RTTN: variants seen among roughly 807,000 people sequenced by gnomAD.
The protein encoded by RTTN is rotatin.
RTTN carries 182 observed loss-of-function variants against 269.2 expected under a neutral mutation model. That is an observed-to-expected ratio of 0.68 (90% CI 0.60 to 0.76). The LOEUF is 0.76. Among genes scored for constraint, RTTN ranks in the 30% least tolerant of loss-of-function variants. The pLI, the probability that RTTN is intolerant of heterozygous loss-of-function variation, is 0.00. For missense variants in RTTN, 2,545 were observed against 2,608.6 expected (o/e 0.98, Z 0.53); for synonymous variants, 1,006 against 963.5 (o/e 1.04, Z -0.82).
intron 40 of RTTN, among the ~76,000 whole-genome samples, chr18:70,033,288 A>AATC (rs1297042854): frequency 1.3e-5 from 2 of 152,222 alleles, no homozygotes; most frequent in East Asian, 3.8e-4. Context: ...ACCATGAGCC[A>AATC]ATTAAACCTC....
rs141652219 is a variant in RTTN at position 70,052,859 on chromosome 18, T to C, written c.5185+1272A>G. ...TTTTAATTTAACCAGCTAATAGATA[T>C]ACATTCAGATATTGACATTTTTTCC... On this transcript the variant is annotated intron_variant, in intron 38 of 48. Transcript: ENST00000640769. Among the ~76,000 whole-genome samples, 928 of 152,256 alleles carry C rather than the reference T, an allele frequency of 6.1e-3. 3 individuals are homozygous for C. The highest frequency in any genetic ancestry group is 0.01 in the Middle Eastern group (3 of 294).
intron 14 of RTTN, among the ~76,000 whole-genome samples, chr18:70,154,376 A>G (rs2060619444): frequency 6.6e-6 from 1 of 152,122 alleles, no homozygotes; most frequent in African/African-American, 2.4e-5. Context: ...ATATTTTCCT[A>G]TCTGCAAAAA....
intron 40 of RTTN, among the ~76,000 whole-genome samples, chr18:70,034,035 C>G (rs1032156039): frequency 6.6e-6 from 1 of 152,116 alleles, no homozygotes; most frequent in Non-Finnish European, 1.5e-5. Flanking sequence ...AACAGACCAA[C>G]AATGAGCTCT....
intron 34 of RTTN, among the ~76,000 whole-genome samples, chr18:70,072,571 T>C (rs1312353592): frequency 6.6e-6 from 1 of 152,106 alleles, no homozygotes; most frequent in Non-Finnish European, 1.5e-5. Context: ...TAGGTTTTCT[T>C]GTATAGGATA....
intron 45 of RTTN, chr18:70,019,283 C>T (rs2056634217): frequency 6.6e-6 from 1 of 152,160 alleles, no homozygotes. Flanking sequence ...TCGAGATTGG[C>T]ACTTACATTC....
At chr18:70,179,811 T>C (rs2061380614) in intron 10 of RTTN, among the ~76,000 whole-genome samples, 1 of 152,168 alleles carries the variant, frequency 6.6e-6, no homozygotes, top group South Asian at 2.1e-4. Flanking sequence ...GCCCCTCACA[T>C]GCTTCCAATG....
chr18:70,062,886 C>T (rs1437383861), intron 35 of RTTN, among the ~76,000 whole-genome samples: 2 of 152,026 alleles, frequency 1.3e-5, no homozygotes, highest in Non-Finnish European at 2.9e-5. Flanking sequence ...TGCCCAGCCC[C>T]CTCTTTCTAA....
intron 40 of RTTN, among the ~76,000 whole-genome samples, chr18:70,044,599 T>C (rs1478646890): frequency 6.6e-6 from 1 of 152,178 alleles, no homozygotes; most frequent in African/African-American, 2.4e-5. Flanking sequence ...ATTAGGCAGG[T>C]AGGAGACTAA....
At chr18:70,094,545 A>C (rs1309930163) in intron 28 of RTTN, among the ~76,000 whole-genome samples, 1 of 152,196 alleles carries the variant, frequency 6.6e-6, no homozygotes, top group Non-Finnish European at 1.5e-5. Context: ...TTATTTACCC[A>C]GTAGTCATTC....
At chr18:70,012,089 C>T (rs2056395625) in intron 46 of RTTN, among the ~76,000 whole-genome samples, 1 of 95,510 alleles carries the variant, frequency 1.0e-5, no homozygotes, top group African/African-American at 3.3e-5. Flanking sequence ...TACAGGGCAG[C>T]ATCTGCTCAC....
At chr18:70,132,972 T>C (rs930314809) in intron 23 of RTTN, among the ~76,000 whole-genome samples, 9 of 152,154 alleles carry the variant, frequency 5.9e-5, no homozygotes, top group Admixed American at 5.2e-4. Context: ...AAGAATTTAC[T>C]AAGCTGCTTT....
chr18:70,053,152 A>T (rs1225659471), intron 38 of RTTN: 2 of 152,236 alleles, frequency 1.3e-5, no homozygotes, highest in African/African-American at 4.8e-5. Flanking sequence ...CATCTTGTGT[A>T]TCTTCCATGA....
intron 28 of RTTN, among the ~76,000 whole-genome samples, chr18:70,103,762 C>CAAAAA (rs71178846): frequency 8.5e-6 from 1 of 118,034 alleles, no homozygotes; most frequent in Non-Finnish European, 1.7e-5. Context: ...ATAAATACTT[C>CAAAAA]AAAAAAAAAA....
Position 70,199,463 on chromosome 18 carries a change from A to G in RTTN, c.529T>C (p.Trp177Arg), listed in dbSNP as rs954316307. The change falls in exon 5 of 49, where the codon TGG becomes CGG. Residue 177 changes from tryptophan (W) to arginine (R), a missense_variant. Trp to Arg is a moderately radical substitution (Grantham distance 101). Transcript: ENST00000640769. The stretch of plus-strand genomic sequence containing the variant: ...CTGTCTGTGGTGGTCAGGGGTAGCC[A>G]AGGAAATGTAGAAAACTTCAAGCAC... ...VKCLKFSTFP[W>R]LPLTTTDRHV... The G allele has an allele frequency of 6.2e-7, 1 of 1,613,200 alleles. No individual in the cohort carries two copies.
chr18:70,087,756 G>C (rs913629984), intron 31 of RTTN, among the ~76,000 whole-genome samples: 1 of 152,052 alleles, frequency 6.6e-6, no homozygotes, highest in African/African-American at 2.4e-5. Context: ...AATAAAAAAA[G>C]TTCACATTAA....
At chr18:70,094,477 T>C (rs1465471766) in intron 28 of RTTN, among the ~76,000 whole-genome samples, 1 of 152,236 alleles carries the variant, frequency 6.6e-6, no homozygotes. Flanking sequence ...GATTCTGGTA[T>C]ATTGTGTCTT....
At chr18:70,106,871 T>C (rs2059334566) in intron 28 of RTTN, among the ~76,000 whole-genome samples, 1 of 152,156 alleles carries the variant, frequency 6.6e-6, no homozygotes, top group African/African-American at 2.4e-5. Context: ...TCACTATCAA[T>C]TTACTTATCT....
chr18:70,109,765 G>C (rs751589029), intron 27 of RTTN, 48 bp from the exon 28 acceptor site: 1 of 1,428,368 alleles, frequency 7.0e-7, no homozygotes, highest in South Asian at 1.2e-5. Context: ...AGTATAATGG[G>C]CTTAATGGGC....
At chr18:70,055,929 C>T (rs1451059571) in intron 37 of RTTN, among the ~76,000 whole-genome samples, 1 of 152,166 alleles carries the variant, frequency 6.6e-6, no homozygotes, top group African/African-American at 2.4e-5. Flanking sequence ...CCCCATCTGC[C>T]GCAGGCACTC....
Sources: gnomAD v4.1 joint callset for allele counts (sites outside exome capture counted in the v4.1 genomes callset) on GRCh38, gnomAD v4.1.1 for gene constraint, MANE v1.5 for transcripts, NCBI Gene and HGNC (gene_info 2026-07-23, HGNC 2026-07-21) for gene names.